Variants in HHAT observed in about 807,000 individuals in gnomAD.
HHAT encodes protein-cysteine N-palmitoyltransferase HHAT.
Under a neutral mutation model 70.8 loss-of-function variants are expected in HHAT, and 47 were observed. That is an observed-to-expected ratio of 0.66 (90% CI 0.53 to 0.85). The LOEUF (loss-of-function observed/expected upper bound fraction) is 0.85. HHAT is among the 40% of genes least tolerant of loss of function. HHAT has a pLI of 0.00. For missense variants in HHAT, 609 were observed against 604.8 expected (o/e 1.01, Z -0.07); for synonymous variants, 228 against 247.6 (o/e 0.92, Z 0.74).
chr1:210,348,702 GA>G lies in HHAT; in HGVS notation c.-43-230del, dbSNP rs200689226. On this transcript the variant is annotated intron_variant, in intron 1 of 11. Transcript: ENST00000261458. ...TCCTAGGAAAAGACCTGACCCCTTT[GA>G]CAGGCAGGATGCACATGTGTGGTGT... Among the ~76,000 whole-genome samples the G allele has an allele frequency of 8.9e-3, 1,348 of 151,062 alleles. 16 individuals are homozygous for G. The highest frequency in any genetic ancestry group is 0.031 in the African/African-American group (1,270 of 40,904).
intron 3 of HHAT, among the ~76,000 whole-genome samples, chr1:210,386,685 C>A (rs1011720522): frequency 1.3e-5 from 2 of 152,170 alleles, no homozygotes; most frequent in Non-Finnish European, 2.9e-5. Context: ...TCTCTCCACG[C>A]TCCTCTTGGC....
intron 10 of HHAT, among the ~76,000 whole-genome samples, chr1:210,605,194 G>A (rs73063612): frequency 3.8e-4 from 58 of 152,276 alleles, no homozygotes; most frequent in African/African-American, 1.1e-3. Flanking sequence ...AACCTCCAGG[G>A]TAGGTGTTAC....
chr1:210,586,338 G>T (rs1014582650), intron 9 of HHAT, among the ~76,000 whole-genome samples: 1 of 152,092 alleles, frequency 6.6e-6, no homozygotes, highest in Non-Finnish European at 1.5e-5. Flanking sequence ...TACTTGGGGG[G>T]CTAAAGTGGG....
intron 11 of HHAT, among the ~76,000 whole-genome samples, chr1:210,641,753 C>T (rs1330450664): frequency 1.3e-5 from 2 of 152,172 alleles, no homozygotes; most frequent in Admixed American, 6.5e-5. Context: ...ATACGCGTAC[C>T]TCATATATCT....
At chr1:210,328,160 T>A (rs688585), upstream of HHAT, 96,276 of 152,020 alleles carry the variant, frequency 0.63, 32,978 homozygotes, top group African/African-American at 0.9. Context: ...AGTCTGATGC[T>A]TTTGGTTTGG....
intron 5 of HHAT, among the ~76,000 whole-genome samples, chr1:210,403,899 T>C (rs1464693935): frequency 6.6e-6 from 1 of 151,670 alleles, no homozygotes; most frequent in African/African-American, 2.4e-5. Context: ...ATCTACGTCC[T>C]GTATGAGAAT....
intron 10 of HHAT, among the ~76,000 whole-genome samples, chr1:210,620,653 C>A (rs972854670): frequency 6.6e-6 from 1 of 152,172 alleles, no homozygotes; most frequent in Non-Finnish European, 1.5e-5. Context: ...TACCCACTCA[C>A]CCTGGGGGAT....
intron 7 of HHAT, among the ~76,000 whole-genome samples, chr1:210,452,012 GT>G (rs1159976527): frequency 1.3e-5 from 2 of 152,304 alleles, no homozygotes; most frequent in East Asian, 3.9e-4. Flanking sequence ...AGGATTCTCT[GT>G]GATTATTATC....
intron 10 of HHAT, among the ~76,000 whole-genome samples, chr1:210,615,593 G>A (rs1218895270): frequency 6.6e-6 from 1 of 152,156 alleles, no homozygotes. Context: ...CTTTGACGTT[G>A]GTGACGTACA....
chr1:210,588,363 C>T (rs1482554867), intron 10 of HHAT: 1 of 372,650 alleles, frequency 2.7e-6, no homozygotes, highest in African/African-American at 2.0e-5. Flanking sequence ...AAGAAAATAA[C>T]CTCTCAACAG....
chr1:210,402,384 G>A (rs1217477940), intron 5 of HHAT, among the ~76,000 whole-genome samples: 1 of 152,162 alleles, frequency 6.6e-6, no homozygotes, highest in East Asian at 1.9e-4. Flanking sequence ...GGCAGGAGCT[G>A]TTTTTTTGAG....
Position 210,418,316 on chromosome 1 carries a change from T to C in HHAT, c.847T>C (p.Trp283Arg). Residue 283 changes from tryptophan (W) to arginine (R), a missense_variant, in exon 7 of 12, where the codon TGG becomes CGG. Physicochemically the swap from Trp to Arg is moderately radical, Grantham distance 101 (BLOSUM62 -3). Transcript: ENST00000261458. ...CCCCCTCCTGGAGACTGTCTCTTGT[T>C]GGACCTTAGGTAATTGTGGGAATCA... ...SIPLLETVSC[W>R]TLGGLALAQV... 2 of 1,589,736 alleles carry C rather than the reference T, an allele frequency of 1.3e-6. No individual in the cohort carries two copies. Among genetic ancestry groups the C allele is most frequent in the Non-Finnish European group, 1.7e-6 (2 of 1,167,330 alleles).
intron 9 of HHAT, among the ~76,000 whole-genome samples, chr1:210,568,252 C>G (rs76497744): frequency 2.6e-5 from 4 of 151,928 alleles, no homozygotes; most frequent in Non-Finnish European, 5.9e-5. Context: ...GTGGTACACC[C>G]GGGGAGGGCA....
chr1:210,374,060 C>T (rs2089875094), intron 3 of HHAT: 1 of 152,174 alleles, frequency 6.6e-6, no homozygotes, highest in Admixed American at 6.5e-5. Context: ...AGTTCTGTTA[C>T]ACAATGTTTA....
chr1:210,506,860 G>T (rs1019998108), intron 8 of HHAT, among the ~76,000 whole-genome samples: 1 of 152,172 alleles, frequency 6.6e-6, no homozygotes, highest in Non-Finnish European at 1.5e-5. Flanking sequence ...TTTCCGGAAG[G>T]CTCTGGTTCT....
chr1:210,670,273 C>G (rs1679812429), intron 11 of HHAT, among the ~76,000 whole-genome samples: 1 of 152,202 alleles, frequency 6.6e-6, no homozygotes, highest in South Asian at 2.1e-4. Flanking sequence ...GCTTAGCAGG[C>G]CCACAGTCAG....
chr1:210,566,217 C>CT (rs1331273361), intron 9 of HHAT, among the ~76,000 whole-genome samples: 1 of 152,170 alleles, frequency 6.6e-6, no homozygotes, highest in Non-Finnish European at 1.5e-5. Context: ...TTGACATTTA[C>CT]TAGAGGCTCA....
intron 4 of HHAT, among the ~76,000 whole-genome samples, chr1:210,397,431 G>C (rs1481249717): frequency 6.6e-6 from 1 of 151,984 alleles, no homozygotes; most frequent in Admixed American, 6.6e-5. Context: ...TGAGTTTGAC[G>C]TACAGTATGT....
intron 2 of HHAT, among the ~76,000 whole-genome samples, chr1:210,352,625 C>CT (rs763448680): frequency 4.9e-4 from 75 of 152,172 alleles, no homozygotes; most frequent in Non-Finnish European, 1.9e-4. Context: ...TCATTCACTG[C>CT]TGTCTCTATC....
Sources: allele counts gnomAD v4.1 joint callset (sites outside exome capture counted in the v4.1 genomes callset), GRCh38; gene constraint gnomAD v4.1.1; transcripts MANE v1.5; gene names NCBI Gene and HGNC (gene_info 2026-07-23, HGNC 2026-07-21).